PMS1: variants seen among roughly 807,000 people sequenced by gnomAD.
PMS1 encodes the protein PMS1 homolog 1, mismatch repair system component, also known as PMS1 protein homolog 1.
Under a neutral mutation model 93.1 loss-of-function variants are expected in PMS1, and 79 were observed. The ratio of observed to expected loss-of-function variants is 0.85; its 90% CI spans 0.71 to 1.02. PMS1 has a LOEUF of 1.02. PMS1 is among the 50% of genes least tolerant of loss of function. PMS1 has a pLI of 0.00. For synonymous variants in PMS1, 335 were observed against 363.4 expected (o/e 0.92, Z 0.89); for missense variants, 1,064 against 1,085.3 (o/e 0.98, Z 0.28).
chr2:189,787,146 A>G (rs2048422312), intron 1 of PMS1, among the ~76,000 whole-genome samples: 1 of 152,200 alleles, frequency 6.6e-6, no homozygotes, highest in Middle Eastern at 3.2e-3. Context: ...GATGATATTT[A>G]GAAGGTAGAT....
At chr2:189,857,382 A>G (rs540713856) in intron 9 of PMS1, 4 of 434,546 alleles carry the variant, frequency 9.2e-6, no homozygotes, top group African/African-American at 8.1e-5. Context: ...AGCTGAGTCT[A>G]GTTGCATCAT....
At chr2:189,794,700 T>C (rs1326614481) in intron 2 of PMS1, among the ~76,000 whole-genome samples, 1 of 152,190 alleles carries the variant, frequency 6.6e-6, no homozygotes, top group East Asian at 1.9e-4. Flanking sequence ...TAGAATATGG[T>C]GTTCATAGAA....
At chr2:189,850,647 C>G (rs1041966692) in intron 6 of PMS1, among the ~76,000 whole-genome samples, 7 of 152,066 alleles carry the variant, frequency 4.6e-5, no homozygotes, top group Non-Finnish European at 1.0e-4. Context: ...GGACCATCAT[C>G]ATTTATACGG....
chr2:189,838,989 C>CT (rs141989481), intron 5 of PMS1, among the ~76,000 whole-genome samples: 12,066 of 149,838 alleles, frequency 0.081, 562 homozygotes, highest in East Asian at 0.15. Flanking sequence ...AATACAATCA[C>CT]TTTTTTTTTT....
intron 5 of PMS1, among the ~76,000 whole-genome samples, chr2:189,819,650 C>G (rs2051652463): frequency 6.6e-6 from 1 of 152,136 alleles, no homozygotes; most frequent in South Asian, 2.1e-4. Context: ...AGCATTTTTT[C>G]ATATGCTTGC....
intron 12 of PMS1, 25 bp downstream of exon 12, chr2:189,873,681 T>A: frequency 6.4e-7 from 1 of 1,551,032 alleles, no homozygotes; most frequent in East Asian, 2.3e-5. Flanking sequence ...ATATATATGT[T>A]ATTGTATACA....
chr2:189,788,297 C>G (rs910989703), intron 1 of PMS1, among the ~76,000 whole-genome samples: 1 of 152,118 alleles, frequency 6.6e-6, no homozygotes, highest in Admixed American at 6.5e-5. Flanking sequence ...GGGGATTGTT[C>G]ATTTAGGGGT....
At chr2:189,820,965 T>G (rs924830847) in intron 5 of PMS1, among the ~76,000 whole-genome samples, 4 of 152,094 alleles carry the variant, frequency 2.6e-5, no homozygotes, top group Non-Finnish European at 4.4e-5. Context: ...GTGCTATGAT[T>G]CCTTAGGATG....
intron 1 of PMS1, among the ~76,000 whole-genome samples, chr2:189,789,650 A>T (rs930458142): frequency 6.6e-6 from 1 of 151,994 alleles, no homozygotes; most frequent in Non-Finnish European, 1.5e-5. Flanking sequence ...TCTTTGTCTT[A>T]TGCTGCCTGA....
chr2:189,819,904 G>T (rs990520628), intron 5 of PMS1, among the ~76,000 whole-genome samples: 1 of 152,094 alleles, frequency 6.6e-6, no homozygotes, highest in Admixed American at 6.5e-5. Flanking sequence ...TTTTCAAAGC[G>T]CCGATAAGAG....
chr2:189,840,275 A>G (rs1347989733), intron 5 of PMS1, among the ~76,000 whole-genome samples: 1 of 152,158 alleles, frequency 6.6e-6, no homozygotes, highest in Non-Finnish European at 1.5e-5. Flanking sequence ...AAAGTGATGG[A>G]CAGAAAACCA....
rs1575308584 is a variant in PMS1 at position 189,857,839 on chromosome 2, T to C, written c.1856+2711T>C. On this transcript the variant is annotated intron_variant, in intron 9 of 12. Coordinates refer to ENST00000441310, the MANE Select transcript of PMS1 (RefSeq NM_000534.5). ...AACTTGGCAGTTGGACTTAATATTA[T>C]CTGTGGGACAGGTAATGCTTCCCTG... Among the ~76,000 whole-genome samples the C allele has an allele frequency of 1.1e-4, 16 of 152,230 alleles. 1 individual carries two copies. The South Asian group carries it at 3.3e-3, about 31-fold the overall frequency.
intron 3 of PMS1, among the ~76,000 whole-genome samples, chr2:189,802,974 G>C (rs573791428): frequency 3.9e-5 from 6 of 152,290 alleles, no homozygotes; most frequent in African/African-American, 1.4e-4. Context: ...CCCATAGTGG[G>C]TATCTGGGAA....
chr2:189,833,047 G>A (rs1259166274), intron 5 of PMS1, among the ~76,000 whole-genome samples: 2 of 152,054 alleles, frequency 1.3e-5, no homozygotes, highest in African/African-American at 4.8e-5. Flanking sequence ...GTGGTAAGTG[G>A]GCCAAGAGAG....
At chr2:189,814,340 A>G (rs187965320) in intron 4 of PMS1, among the ~76,000 whole-genome samples, 95 of 151,900 alleles carry the variant, frequency 6.3e-4, no homozygotes, top group Middle Eastern at 3.4e-3. Flanking sequence ...TAGTAATGTT[A>G]TATGCTAATG....
In PMS1 at chr2:189,791,566, G is replaced by A. The variant is rs544324839; in HGVS notation, c.-20-224G>A. On this transcript the variant is annotated intron_variant, in intron 1 of 12. Transcript: ENST00000441310. The stretch of plus-strand genomic sequence containing the variant: ...TGGGAGGCAGAGGTTGCAGTGAGTC[G>A]AGATCACGCCACTGCACTCCAGCCT... 12 of 405,902 alleles carry A rather than the reference G, an allele frequency of 3.0e-5. No homozygotes were observed. In the East Asian group the frequency reaches 3.8e-4, roughly 13 times the overall value. 25.1% of individuals were successfully genotyped at this position (405,902 alleles called of 1,614,324 possible).
Position 189,795,879 on chromosome 2 carries a change from T to C in PMS1, c.243T>C (p.His81=), listed in dbSNP as rs150543935. Residue 81 remains histidine (H), a synonymous_variant, in exon 3 of 13, where the codon CAT becomes CAC. Coordinates refer to ENST00000441310, the MANE Select transcript of PMS1 (RefSeq NM_000534.5). ...MKYYTSKINS[H]EDLENLTTYG... is the part of the protein sequence containing the mutation. Reference sequence around the variant, plus strand: ...ACTACACCTCAAAAATAAATAGTCATGAAGATCTTGAAAATTTGACAACTT... The same window carrying C: ...ACTACACCTCAAAAATAAATAGTCACGAAGATCTTGAAAATTTGACAACTT... The C allele has an allele frequency of 1.7e-5, 27 of 1,613,388 alleles. No homozygotes were observed. Among genetic ancestry groups the C allele is most frequent in the Non-Finnish European group, 2.3e-5 (27 of 1,179,482 alleles).
At chr2:189,852,838 A>C (rs1465736485) in intron 7 of PMS1, 61 bp downstream of exon 7, 2 of 1,048,842 alleles carry the variant, frequency 1.9e-6, no homozygotes, top group African/African-American at 1.6e-5. Flanking sequence ...TGTAACAAGG[A>C]CTGCTTCCAA....
intron 9 of PMS1, among the ~76,000 whole-genome samples, chr2:189,855,603 C>T (rs940334318): frequency 6.6e-6 from 1 of 151,714 alleles, no homozygotes; most frequent in Non-Finnish European, 1.5e-5. Flanking sequence ...GTATTATTGG[C>T]GATTCAATTT....
Sources: allele counts gnomAD v4.1 joint callset (sites outside exome capture counted in the v4.1 genomes callset), GRCh38; gene constraint gnomAD v4.1.1; transcripts MANE v1.5; gene names NCBI Gene and HGNC (gene_info 2026-07-23, HGNC 2026-07-21).